The following PRKD1 variants were observed in gnomAD, a reference collection of about 807,000 sequenced individuals.
The protein encoded by PRKD1 is protein kinase D1.
PRKD1 carries 63 observed loss-of-function variants against 95.9 expected under a neutral mutation model. The observed-to-expected ratio is 0.66, with a 90% CI of 0.54 to 0.81. PRKD1 has a LOEUF of 0.81. Ranked by LOEUF, PRKD1 falls within the 30% of genes least tolerant of loss-of-function variation. The pLI, the probability that PRKD1 is intolerant of heterozygous loss-of-function variation, is 0.00. For missense variants in PRKD1, 1,048 were observed against 1,165.3 expected (o/e 0.90, Z 1.47); for synonymous variants, 425 against 423.1 (o/e 1.00, Z -0.05).
rs556789855 is a variant in PRKD1 at position 29,647,910 on chromosome 14, A to C, written c.697-9006T>G. 2.0e-5 allele frequency among the ~76,000 whole-genome samples: 3 copies of C among 152,348 alleles called. No individual in the cohort carries two copies. The East Asian group carries it at 5.8e-4, about 29-fold the overall frequency. On this transcript the variant is annotated intron_variant, in intron 4 of 17. Transcript: ENST00000331968. ...ATGGTGGGAACTAAGTGTTGCAGGA[A>C]TCAGGCTTACAGAAGCCAGAACAAA...
intron 1 of PRKD1, among the ~76,000 whole-genome samples, chr14:29,877,897 C>T (rs1289483435): frequency 5.3e-5 from 8 of 151,964 alleles, no homozygotes; most frequent in Admixed American, 5.2e-4. Context: ...AGGGAATCAA[C>T]CTAAATGTTC....
At chr14:29,799,211 A>G (rs1363542687) in intron 1 of PRKD1, among the ~76,000 whole-genome samples, 3 of 152,256 alleles carry the variant, frequency 2.0e-5, no homozygotes, top group Non-Finnish European at 4.4e-5. Flanking sequence ...AAAGTCATTA[A>G]AAGGTGAAAA....
chr14:29,823,275 A>G (rs554046136), intron 1 of PRKD1, among the ~76,000 whole-genome samples: 1 of 152,312 alleles, frequency 6.6e-6, no homozygotes, highest in South Asian at 2.1e-4. Context: ...TTCAGTGATT[A>G]CTTGCCAGTC....
intron 2 of PRKD1, among the ~76,000 whole-genome samples, chr14:29,723,434 G>A (rs1885993430): frequency 6.6e-6 from 1 of 152,106 alleles, no homozygotes; most frequent in South Asian, 2.1e-4. Flanking sequence ...AGGAACATCA[G>A]GCATTTGATC....
intron 4 of PRKD1, chr14:29,657,304 G>C (rs983490542): frequency 2.0e-5 from 3 of 152,054 alleles, no homozygotes; most frequent in African/African-American, 7.2e-5. Context: ...AAGCTTTTGG[G>C]GGGCAGCTCT....
chr14:29,640,608 T>C lies in PRKD1; in HGVS notation c.697-1704A>G, dbSNP rs963346746. ...AAACCAGAATCATGAATATATTGAA[T>C]AAATACTTTCAATGGAATTAAAGAA... is the stretch of plus-strand genomic sequence containing the variant. On this transcript the variant is annotated intron_variant, in intron 4 of 17. Coordinates refer to ENST00000331968, the MANE Select transcript of PRKD1 (RefSeq NM_002742.3). Among the ~76,000 whole-genome samples, 37 of 152,156 alleles carry C rather than the reference T, an allele frequency of 2.4e-4. No homozygotes were observed. The South Asian group carries it at 2.5e-3, about 10-fold the overall frequency.
At chr14:29,723,469 G>T (rs1015618489) in intron 2 of PRKD1, among the ~76,000 whole-genome samples, 3 of 152,232 alleles carry the variant, frequency 2.0e-5, no homozygotes, top group African/African-American at 4.8e-5. Context: ...GCCTAAAAAG[G>T]CTAAGGGAAA....
At chr14:29,832,432 G>A (rs1891446826) in intron 1 of PRKD1, among the ~76,000 whole-genome samples, 1 of 151,834 alleles carries the variant, frequency 6.6e-6, no homozygotes, top group Admixed American at 6.6e-5. Context: ...AGACTTTTCT[G>A]TTTGTCTGTT....
At chr14:29,630,338 C>T (rs550156721) in intron 10 of PRKD1, among the ~76,000 whole-genome samples, 6 of 152,098 alleles carry the variant, frequency 3.9e-5, no homozygotes, top group African/African-American at 1.4e-4. Flanking sequence ...CAGGGTTTCC[C>T]CATGTTGCCC....
At chr14:29,759,921 T>C (rs1484659437) in intron 1 of PRKD1, among the ~76,000 whole-genome samples, 1 of 152,226 alleles carries the variant, frequency 6.6e-6, no homozygotes, top group African/African-American at 2.4e-5. Context: ...ATAAAAGTAA[T>C]GTCAACTTTT....
chr14:29,857,715 G>A (rs1194197118), intron 1 of PRKD1, among the ~76,000 whole-genome samples: 1 of 152,314 alleles, frequency 6.6e-6, no homozygotes, highest in South Asian at 2.1e-4. Context: ...CACTTTTTAT[G>A]AGTAAAGCAG....
At chr14:29,651,839 G>A (rs1881525231) in intron 4 of PRKD1, among the ~76,000 whole-genome samples, 1 of 152,036 alleles carries the variant, frequency 6.6e-6, no homozygotes, top group South Asian at 2.1e-4. Context: ...CCACCTCCCA[G>A]GTTCAAGTGA....
chr14:29,691,904 T>TA (rs901180550), intron 2 of PRKD1, among the ~76,000 whole-genome samples: 3 of 151,852 alleles, frequency 2.0e-5, no homozygotes, highest in Non-Finnish European at 2.9e-5. Context: ...TTATGGTAGC[T>TA]AAAAAAAAGG....
At chr14:29,759,127 C>T (rs1887849769) in intron 1 of PRKD1, among the ~76,000 whole-genome samples, 1 of 152,130 alleles carries the variant, frequency 6.6e-6, no homozygotes, top group Non-Finnish European at 1.5e-5. Flanking sequence ...TTGCTAGGTT[C>T]TGTGGTGTTG....
intron 1 of PRKD1, among the ~76,000 whole-genome samples, chr14:29,838,648 A>C (rs1002106306): frequency 6.6e-6 from 1 of 152,214 alleles, no homozygotes; most frequent in African/African-American, 2.4e-5. Flanking sequence ...AATTGAAAAC[A>C]TGGTTTATTA....
chr14:29,615,931 T>C (rs1878823239), intron 13 of PRKD1, among the ~76,000 whole-genome samples: 1 of 151,974 alleles, frequency 6.6e-6, no homozygotes, highest in Non-Finnish European at 1.5e-5. Context: ...TGGTTTCGGG[T>C]GAGGGCAGTA....
At chr14:29,893,582 T>G (rs1011914490) in intron 1 of PRKD1, among the ~76,000 whole-genome samples, 23 of 152,178 alleles carry the variant, frequency 1.5e-4, no homozygotes, top group Non-Finnish European at 2.8e-4. Flanking sequence ...AATAAGCATA[T>G]GTAATGAAAA....
intron 13 of PRKD1, 152 bp from the exon 14 acceptor site, chr14:29,599,969 A>G: frequency 1.8e-6 from 1 of 541,474 alleles, no homozygotes; most frequent in South Asian, 4.6e-5. Context: ...GTGCTGCCTT[A>G]TATTTTTGAA....
intron 2 of PRKD1, among the ~76,000 whole-genome samples, chr14:29,667,261 A>G (rs1882576193): frequency 6.6e-6 from 1 of 152,184 alleles, no homozygotes; most frequent in South Asian, 2.1e-4. Context: ...ATACCTAAAA[A>G]GAGACAGTCT....
Sources: gnomAD v4.1 joint callset for allele counts (sites outside exome capture counted in the v4.1 genomes callset) on GRCh38, gnomAD v4.1.1 for gene constraint, MANE v1.5 for transcripts, NCBI Gene and HGNC (gene_info 2026-07-23, HGNC 2026-07-21) for gene names.